The following HEATR5B variants were observed in gnomAD, a reference collection of about 807,000 sequenced individuals.
HEATR5B encodes HEAT repeat-containing protein 5B.
A neutral mutation model predicts 224.1 loss-of-function variants in HEATR5B; 156 were observed. That is an observed-to-expected ratio of 0.70 (90% CI 0.61 to 0.80). The LOEUF (loss-of-function observed/expected upper bound fraction) is 0.80, where lower values mean the gene tolerates loss of function less well. Among genes scored for constraint, HEATR5B ranks in the 30% least tolerant of loss-of-function variants. HEATR5B has a pLI of 0.00. For synonymous variants in HEATR5B, 1,027 were observed against 893.0 expected (o/e 1.15, Z -2.68); for missense variants, 2,323 against 2,535.5 (o/e 0.92, Z 1.80).
At chr2:37,072,087 A>T in intron 6 of HEATR5B, 23 bp downstream of exon 6, 1 of 1,597,442 alleles carries the variant, frequency 6.3e-7, no homozygotes, top group Non-Finnish European at 8.6e-7. Context: ...GTTATGGTCT[A>T]AATCAAGGGC....
chr2:37,046,362 G>C (rs1037744082), intron 18 of HEATR5B, among the ~76,000 whole-genome samples: 1 of 152,202 alleles, frequency 6.6e-6, no homozygotes, highest in African/African-American at 2.4e-5. Context: ...AGATGGGCCA[G>C]GCGCACTGGC....
chr2:37,084,349 ACTC>A lies in HEATR5B; in HGVS notation c.-106_-104del, dbSNP rs1672842550. Reference sequence around the variant, plus strand: ...GAGACCCGGATGCCCCACCTCCCGCACTCCTACCTGCAGGAAACAAGGGAAGAG... The same window carrying A: ...GAGACCCGGATGCCCCACCTCCCGCACTACCTGCAGGAAACAAGGGAAGAG... On this transcript the variant is annotated 5_prime_UTR_variant, in exon 1 of 36. Coordinates refer to ENST00000233099, the MANE Select transcript of HEATR5B (RefSeq NM_019024.3). 1 of 456,454 alleles carries A rather than the reference ACTC, an allele frequency of 2.2e-6. No individual in the cohort carries two copies. The highest frequency in any genetic ancestry group is 2.0e-5 in the African/African-American group (1 of 49,422). 28.3% of individuals were successfully genotyped at this position (456,454 alleles called of 1,614,324 possible). A position where few individuals can be genotyped will look rare whatever the true frequency, so the allele number is the denominator to read the frequency against.
intron 22 of HEATR5B, among the ~76,000 whole-genome samples, chr2:37,029,186 C>T (rs892250985): frequency 2.0e-4 from 30 of 152,056 alleles, no homozygotes; most frequent in Non-Finnish European, 3.5e-4. Flanking sequence ...ATACTTGATT[C>T]TAATAAGAAA....
chr2:37,002,041 T>C (rs548878289), intron 32 of HEATR5B, among the ~76,000 whole-genome samples: 51 of 152,352 alleles, frequency 3.3e-4, no homozygotes, highest in African/African-American at 1.2e-3. Flanking sequence ...TTTATGTCTA[T>C]CTGCTGACAC....
chr2:37,060,460 A>C, intron 12 of HEATR5B, 121 bp downstream of exon 12: 1 of 780,420 alleles, frequency 1.3e-6, no homozygotes, highest in Non-Finnish European at 1.9e-6. Flanking sequence ...TAAATCTAAA[A>C]GCCTATGAAT....
In HEATR5B at chr2:37,032,746, G is replaced by A; in HGVS notation, c.3244C>T (p.Leu1082Phe). The change falls in exon 22 of 36, where the codon CTT becomes TTT. Residue 1082 changes from leucine (L) to phenylalanine (F), a missense_variant. Coordinates refer to ENST00000233099, the MANE Select transcript of HEATR5B (RefSeq NM_019024.3). ...AGACATGCCACAGCTGCTCGTCGAAGTAACAAATGGGAACTACATAAGTGA... is the reference window on the plus strand; with the variant it reads ...AGACATGCCACAGCTGCTCGTCGAAATAACAAATGGGAACTACATAAGTGA... ...CVHLCSSHLL[L>F]RRAAVACLRQ... 3.1e-6 allele frequency: 5 copies of A among 1,613,872 alleles called. 1 individual carries two copies. The highest frequency in any genetic ancestry group is 2.7e-5 in the African/African-American group (2 of 75,002).
In HEATR5B at chr2:37,030,721, A is replaced by T. The variant is rs187355350; in HGVS notation, c.3362-1801T>A. 2.2e-4 allele frequency among the ~76,000 whole-genome samples: 34 copies of T among 152,378 alleles called. No individual in the cohort carries two copies. The East Asian group carries it at 6.4e-3, about 28-fold the overall frequency. ...AAAAATGCTATTTTATGATTATAGT[A>T]ACTTGCAATTGTTAAATCACTGGAG... On this transcript the variant is annotated intron_variant, in intron 22 of 35. Coordinates refer to ENST00000233099, the MANE Select transcript of HEATR5B (RefSeq NM_019024.3).
In HEATR5B at chr2:36,993,443, G is replaced by A. The variant is rs10189982; in HGVS notation, c.5546-2644C>T. Among the ~76,000 whole-genome samples, 1,432 of 151,860 alleles carry A rather than the reference G, an allele frequency of 9.4e-3. 24 individuals carry two copies. The highest frequency in any genetic ancestry group is 0.033 in the African/African-American group (1,368 of 41,420). Reference sequence around the variant, plus strand: ...TCCCAGCTACTTGGGAGGCTGAGGCGGGAGAATTGCTTGAACATAGGAGGT... The same window carrying A: ...TCCCAGCTACTTGGGAGGCTGAGGCAGGAGAATTGCTTGAACATAGGAGGT... On this transcript the variant is annotated intron_variant, in intron 33 of 35. Transcript: ENST00000233099.
chr2:37,081,413 A>G (rs1028873090), intron 2 of HEATR5B, among the ~76,000 whole-genome samples: 2 of 152,224 alleles, frequency 1.3e-5, no homozygotes, highest in African/African-American at 4.8e-5. Context: ...AACAGGAACA[A>G]TAACAACAAA....
At chr2:37,078,318 C>A (rs940975712) in intron 3 of HEATR5B, among the ~76,000 whole-genome samples, 3 of 152,158 alleles carry the variant, frequency 2.0e-5, no homozygotes, top group Admixed American at 2.0e-4. Flanking sequence ...CTTTTTGATA[C>A]CCTGTAGGCT....
intron 26 of HEATR5B, among the ~76,000 whole-genome samples, chr2:37,016,062 G>C (rs1427942441): frequency 6.6e-6 from 1 of 151,646 alleles, no homozygotes; most frequent in African/African-American, 2.4e-5. Flanking sequence ...AGAAGGAAGG[G>C]GTGGTCTCAG....
rs762238118 is a variant in HEATR5B at position 37,060,648 on chromosome 2, A to G, written c.1782T>C (p.Ala594=). Residue 594 remains alanine (A), a synonymous_variant, in exon 12 of 36, where the codon GCT becomes GCC. Coordinates refer to ENST00000233099, the MANE Select transcript of HEATR5B (RefSeq NM_019024.3). ...VFPRSLKELE[A]EKARGDSFTW... ...TAAAAGAATCGCCTCGGGCCTTCTCAGCTTCCAATTCCTTTAAGGAACGTG... is the reference window on the plus strand; with the variant it reads ...TAAAAGAATCGCCTCGGGCCTTCTCGGCTTCCAATTCCTTTAAGGAACGTG... 3 of 1,614,016 alleles carry G rather than the reference A, an allele frequency of 1.9e-6. No homozygotes were observed. The highest frequency in any genetic ancestry group is 1.7e-5 in the Admixed American group (1 of 60,010).
chr2:37,080,609 G>A (rs890151136), intron 2 of HEATR5B, among the ~76,000 whole-genome samples: 1 of 152,106 alleles, frequency 6.6e-6, no homozygotes, highest in Non-Finnish European at 1.5e-5. Context: ...TGGGGGAAAG[G>A]GCAGGTTTGG....
Position 37,079,152 on chromosome 2 carries a change from T to C in HEATR5B, c.306A>G (p.Lys102=). Residue 102 remains lysine, a synonymous_variant, in exon 3 of 36, where the codon AAA becomes AAG. Transcript: ENST00000233099. ...TTGGTAAGTAGGCCGCAGTGTCATC[T>C]TTATTTCTGATAATGTCATTGCATT... ...LDKCNDIIRN[K]DDTAAYLPTK... is the part of the protein sequence containing the mutation. 1 of 1,608,344 alleles carries C rather than the reference T, an allele frequency of 6.2e-7. No homozygotes were observed. The highest frequency in any genetic ancestry group is 8.5e-7 in the Non-Finnish European group (1 of 1,175,876).
chr2:37,025,205 T>G (rs979443008), intron 24 of HEATR5B, among the ~76,000 whole-genome samples: 4 of 152,148 alleles, frequency 2.6e-5, no homozygotes, highest in Non-Finnish European at 4.4e-5. Flanking sequence ...ACAAAATATG[T>G]CAGACACTGG....
chr2:36,993,499 C>T (rs531603116), intron 33 of HEATR5B, among the ~76,000 whole-genome samples: 4 of 149,896 alleles, frequency 2.7e-5, no homozygotes, highest in Non-Finnish European at 4.4e-5. Context: ...GCCAAAATCG[C>T]GCCATTGCAC....
chr2:37,073,020 A>C (rs1671999986), intron 5 of HEATR5B, among the ~76,000 whole-genome samples: 1 of 152,220 alleles, frequency 6.6e-6, no homozygotes, highest in African/African-American at 2.4e-5. Flanking sequence ...GAATTCAACA[A>C]AATGTTCAGG....
intron 17 of HEATR5B, among the ~76,000 whole-genome samples, chr2:37,050,551 A>G (rs899558078): frequency 6.6e-6 from 1 of 152,216 alleles, no homozygotes; most frequent in Non-Finnish European, 1.5e-5. Flanking sequence ...CAGAGCACAA[A>G]CCATTAAATG....
intron 19 of HEATR5B, 81 bp downstream of exon 19, chr2:37,041,052 G>A (rs1229798939): frequency 3.4e-5 from 38 of 1,124,650 alleles, no homozygotes; most frequent in South Asian, 4.2e-5. Context: ...AACTTACCAC[G>A]GTCATTTTTA....
Sources: gnomAD v4.1 joint callset for allele counts (sites outside exome capture counted in the v4.1 genomes callset) on GRCh38, gnomAD v4.1.1 for gene constraint, MANE v1.5 for transcripts, NCBI Gene and HGNC (gene_info 2026-07-23, HGNC 2026-07-21) for gene names.